The following PTBP3 variants were observed in gnomAD, a reference collection of about 807,000 sequenced individuals.
PTBP3 encodes polypyrimidine tract binding protein 3.
Under a neutral mutation model 58.7 loss-of-function variants are expected in PTBP3, and 20 were observed. The observed-to-expected ratio is 0.34, with a 90% CI of 0.24 to 0.50. PTBP3 has a LOEUF of 0.50. PTBP3 is among the 20% of genes least tolerant of loss of function. The pLI is 0.98. For missense variants in PTBP3, 509 were observed against 637.2 expected, an observed-to-expected ratio of 0.80 and a Z score of 2.17; for synonymous variants, 185 against 219.8, an observed-to-expected ratio of 0.84 and a Z score of 1.40.
chr9:112,333,021 C>A (rs1830441078), intron 1 of PTBP3: 2 of 1,276,612 alleles, frequency 1.6e-6, no homozygotes, highest in South Asian at 5.8e-5. Context: ...CCGCTCGCCC[C>A]ACCTCGCCGG....
the PTBP3 span, among the ~76,000 whole-genome samples, chr9:112,374,357 A>G: frequency 2.0e-5 from 3 of 152,202 alleles, no homozygotes; most frequent in African/African-American, 7.2e-5. Context: ...TGTCACAGGA[A>G]CAGGAAGCAA....
chr9:112,332,957 G>GCTTGCGACCAGGT, intron 1 of PTBP3: 1 of 1,445,720 alleles, frequency 6.9e-7, no homozygotes. Flanking sequence ...TGGGACCATG[G>GCTTGCGACCAGGT]CTTGCGACCA....
intron 3 of PTBP3, among the ~76,000 whole-genome samples, chr9:112,274,812 A>C (rs753441336): frequency 7.2e-5 from 11 of 152,210 alleles, no homozygotes; most frequent in Admixed American, 2.6e-4. Flanking sequence ...ATCCCCAAAC[A>C]AACCAGTTTC....
Position 112,220,114 on chromosome 9 carries a change from A to G in PTBP3, c.*3737T>C. The G allele has an allele frequency of 8.0e-7, 1 of 1,242,462 alleles. No homozygotes were observed. The highest frequency in any genetic ancestry group is 1.0e-6 in the Non-Finnish European group (1 of 965,760). The allele number at this position is 1,242,462 out of a possible 1,614,324, so 77.0% of individuals were successfully genotyped here. A position where few individuals can be genotyped will look rare whatever the true frequency, so the allele number is the denominator to read the frequency against. ...ACGCTGTCTCTTTTTGGTTTTAAAA[A>G]TAGCAGTACACATTAGGTTTTCTAA... On this transcript the variant is annotated 3_prime_UTR_variant, in exon 14 of 14. Transcript: ENST00000374257.
At chr9:112,255,247 G>A (rs1836297712) in intron 5 of PTBP3, among the ~76,000 whole-genome samples, 1 of 152,134 alleles carries the variant, frequency 6.6e-6, no homozygotes, top group South Asian at 2.1e-4. Flanking sequence ...GGTAAAGGGA[G>A]TTTCAGTTTG....
chr9:112,359,702 C>A, the PTBP3 span, among the ~76,000 whole-genome samples: 1 of 152,104 alleles, frequency 6.6e-6, no homozygotes, highest in Admixed American at 6.5e-5. Flanking sequence ...ACTCTAGAGG[C>A]TGAGGCAGAA....
intron 1 of PTBP3, among the ~76,000 whole-genome samples, chr9:112,313,076 C>T (rs1460429095): frequency 6.6e-6 from 1 of 151,988 alleles, no homozygotes; most frequent in Non-Finnish European, 1.5e-5. Flanking sequence ...AATCAAAGTA[C>T]ATATGTGGTA....
Position 112,320,289 on chromosome 9 carries a change from A to ATATAT in PTBP3, c.-52+13180_-52+13181insATATA, listed in dbSNP as rs1554805700. On this transcript the variant is annotated intron_variant, in intron 1 of 13. Transcript: ENST00000374257. ...CGAGACCCTTTCTCTTAAAAAAAAAAAAATATATATATATATATATATATA... is the reference window on the plus strand; with the variant it reads ...CGAGACCCTTTCTCTTAAAAAAAAAATATATAAATATATATATATATATATATATA... 6.9e-4 allele frequency among the ~76,000 whole-genome samples: 27 copies of ATATAT among 39,080 alleles called. No homozygotes were observed. In the African/African-American group the frequency reaches 7.1e-3, roughly 10 times the overall value. The allele number at this position is 39,080 out of a possible 152,430, so 25.6% of individuals were successfully genotyped here.
chr9:112,321,843 C>A (rs1480620814), intron 1 of PTBP3, among the ~76,000 whole-genome samples: 1 of 152,024 alleles, frequency 6.6e-6, no homozygotes, highest in Admixed American at 6.6e-5. Flanking sequence ...GAACCCTACA[C>A]CAAGTTCTCA....
chr9:112,358,134 C>A, the PTBP3 span, among the ~76,000 whole-genome samples: 1 of 151,970 alleles, frequency 6.6e-6, no homozygotes, highest in African/African-American at 2.4e-5. Flanking sequence ...GTGATGATAC[C>A]CTGTCTCTAC....
intron 8 of PTBP3, 106 bp downstream of exon 8, chr9:112,234,714 T>A: frequency 9.2e-7 from 1 of 1,086,652 alleles, no homozygotes; most frequent in East Asian, 2.6e-5. Context: ...TGCATAATGC[T>A]TTATGGTAAA....
chr9:112,295,541 A>G (rs1346858718), intron 2 of PTBP3, among the ~76,000 whole-genome samples: 1 of 151,168 alleles, frequency 6.6e-6, no homozygotes, highest in African/African-American at 2.4e-5. Context: ...AATGAAGAAC[A>G]GAAGAGTAGC....
At chr9:112,286,967 C>T (rs1020667247) in intron 2 of PTBP3, among the ~76,000 whole-genome samples, 5 of 152,020 alleles carry the variant, frequency 3.3e-5, no homozygotes, top group Admixed American at 3.3e-4. Context: ...TAAGAAATCT[C>T]TCTCCTCATT....
intron 1 of PTBP3, among the ~76,000 whole-genome samples, chr9:112,321,179 A>T (rs1829931889): frequency 6.6e-6 from 1 of 152,168 alleles, no homozygotes; most frequent in Non-Finnish European, 1.5e-5. Context: ...TATAAACCCT[A>T]TTTGAAAGAA....
At chr9:112,308,138 G>A (rs1406850707) in intron 1 of PTBP3, among the ~76,000 whole-genome samples, 1 of 152,200 alleles carries the variant, frequency 6.6e-6, no homozygotes, top group East Asian at 1.9e-4. Flanking sequence ...CCATCCTCCT[G>A]CCTTGGTCTC....
chr9:112,314,601 G>A (rs148014372), intron 1 of PTBP3, among the ~76,000 whole-genome samples: 5 of 152,194 alleles, frequency 3.3e-5, no homozygotes, highest in South Asian at 2.1e-4. Flanking sequence ...AGGCGGAGGC[G>A]GGAGGATCCC....
intron 12 of PTBP3, among the ~76,000 whole-genome samples, chr9:112,225,212 A>G (rs1264392582): frequency 6.6e-6 from 1 of 152,248 alleles, no homozygotes; most frequent in Non-Finnish European, 1.5e-5. Context: ...AGTATAGCAG[A>G]ACAATCATTA....
At chr9:112,245,788 G>C (rs561686258) in intron 7 of PTBP3, among the ~76,000 whole-genome samples, 1 of 152,188 alleles carries the variant, frequency 6.6e-6, no homozygotes, top group South Asian at 2.1e-4. Context: ...CAGTGTGAAC[G>C]GGCTCCTACT....
intron 3 of PTBP3, among the ~76,000 whole-genome samples, chr9:112,273,553 T>A (rs1827477823): frequency 6.6e-6 from 1 of 152,244 alleles, no homozygotes; most frequent in Admixed American, 6.5e-5. Flanking sequence ...ATCTGGAATA[T>A]GATTCTTGTC....
Sources: allele counts gnomAD v4.1 joint callset (sites outside exome capture counted in the v4.1 genomes callset), GRCh38; gene constraint gnomAD v4.1.1; transcripts MANE v1.5; gene names NCBI Gene and HGNC (gene_info 2026-07-23, HGNC 2026-07-21).